Variants in PBX1 observed in about 807,000 individuals in gnomAD.
PBX1 encodes the protein PBX homeobox 1.
Under a neutral mutation model 53.4 loss-of-function variants are expected in PBX1, and 6 were observed. The ratio of observed to expected loss-of-function variants is 0.11; its 90% confidence interval spans 0.06 to 0.22. PBX1 has a LOEUF of 0.22. Among genes scored for constraint, PBX1 ranks in the 10% least tolerant of loss-of-function variants. The pLI is 1.00. For synonymous variants in PBX1, 204 were observed against 212.3 expected (o/e 0.96, Z 0.34); for missense variants, 251 against 551.4 (o/e 0.46, Z 5.46).
At chr1:164,866,962 A>G (rs924799286) in intron 2 of PBX1, among the ~76,000 whole-genome samples, 2 of 151,946 alleles carry the variant, frequency 1.3e-5, no homozygotes, top group Admixed American at 6.6e-5. Context: ...AGCAAGAGAA[A>G]CTCTTTCATT....
intron 2 of PBX1, among the ~76,000 whole-genome samples, chr1:164,675,646 C>T (rs1661389268): frequency 6.6e-6 from 1 of 152,110 alleles, no homozygotes; most frequent in Non-Finnish European, 1.5e-5. Context: ...CACTTTACTG[C>T]CTTTATGGCT....
At chr1:164,614,232 G>C (rs931110211) in intron 2 of PBX1, among the ~76,000 whole-genome samples, 1 of 152,146 alleles carries the variant, frequency 6.6e-6, no homozygotes, top group African/African-American at 2.4e-5. Flanking sequence ...GAGACCATTT[G>C]GTTCAGCCTC....
intron 2 of PBX1, chr1:164,631,139 T>G (rs1278600789): frequency 6.6e-6 from 1 of 152,248 alleles, no homozygotes; most frequent in African/African-American, 2.4e-5. Flanking sequence ...AATTGTTATC[T>G]CACTATTACT....
chr1:164,862,380 T>C (rs951608938), intron 2 of PBX1, among the ~76,000 whole-genome samples: 6 of 152,286 alleles, frequency 3.9e-5, no homozygotes, highest in South Asian at 2.1e-4. Flanking sequence ...GCACCCTATT[T>C]ATCCCTCTCT....
intron 2 of PBX1, among the ~76,000 whole-genome samples, chr1:164,610,912 C>T (rs1656880282): frequency 6.6e-6 from 1 of 152,232 alleles, no homozygotes; most frequent in Admixed American, 6.5e-5. Context: ...GTGAGGCTGG[C>T]TTGCATTTGT....
intron 2 of PBX1, among the ~76,000 whole-genome samples, chr1:164,861,510 G>A (rs116618175): frequency 1.0e-3 from 156 of 152,044 alleles, no homozygotes; most frequent in African/African-American, 3.2e-3. Flanking sequence ...CCTCCCCACC[G>A]CTCCACCGTG....
intron 2 of PBX1, among the ~76,000 whole-genome samples, chr1:164,704,589 T>C (rs993221477): frequency 1.3e-5 from 2 of 152,114 alleles, no homozygotes; most frequent in African/African-American, 4.8e-5. Flanking sequence ...TCAAAAATAA[T>C]ATTATTATAT....
chr1:164,690,565 G>T (rs1043749981), intron 2 of PBX1, among the ~76,000 whole-genome samples: 35 of 151,044 alleles, frequency 2.3e-4, no homozygotes, highest in African/African-American at 8.5e-4. Context: ...TTAGAAGTTT[G>T]AGACCAGCCT....
intron 2 of PBX1, among the ~76,000 whole-genome samples, chr1:164,667,356 TATAATC>T (rs1417035693): frequency 3.3e-5 from 5 of 151,000 alleles, no homozygotes; most frequent in Non-Finnish European, 1.5e-5. Flanking sequence ...AAATATATAA[TATAATC>T]TATATAATAT....
chr1:164,747,344 CACAT>C (rs1311171533), intron 2 of PBX1, among the ~76,000 whole-genome samples: 1 of 151,960 alleles, frequency 6.6e-6, no homozygotes, highest in Non-Finnish European at 1.5e-5. Flanking sequence ...TACACACACA[CACAT>C]ATGTATGTAT....
intron 2 of PBX1, among the ~76,000 whole-genome samples, chr1:164,692,514 C>T (rs1052251137): frequency 1.3e-5 from 2 of 152,086 alleles, no homozygotes; most frequent in African/African-American, 4.8e-5. Context: ...CACTCCCTCC[C>T]CTCCTGCTTT....
intron 2 of PBX1, among the ~76,000 whole-genome samples, chr1:164,873,364 C>T (rs574427634): frequency 2.6e-5 from 4 of 152,304 alleles, no homozygotes; most frequent in African/African-American, 9.6e-5. Context: ...ACTGTTTGTT[C>T]ACTGTTTTGA....
chr1:164,727,082 C>T (rs1664737377), intron 2 of PBX1, among the ~76,000 whole-genome samples: 4 of 151,998 alleles, frequency 2.6e-5, no homozygotes, highest in South Asian at 4.2e-4. Flanking sequence ...CAACACCAAG[C>T]TTTGTCTTTT....
At chr1:164,817,996 C>T (rs1669961767) in intron 6 of PBX1, 1 of 152,142 alleles carries the variant, frequency 6.6e-6, no homozygotes, top group Non-Finnish European at 1.5e-5. Flanking sequence ...AAACTGAACA[C>T]TCTGGGGAGT....
rs527632552 is a variant in PBX1 at position 164,685,677 on chromosome 1, C to A, written c.266-106817C>A. Among the ~76,000 whole-genome samples, 33 of 152,362 alleles carry A rather than the reference C, an allele frequency of 2.2e-4. No individual in the cohort carries two copies. The South Asian group carries it at 6.0e-3, about 28-fold the overall frequency. ...TTTATACACATTTTTACAATTATTA[C>A]AGCAGTTCTCAATTATTGAAACAGA... On this transcript the variant is annotated intron_variant, in intron 2 of 8. Coordinates refer to ENST00000420696, the MANE Select transcript of PBX1 (RefSeq NM_002585.4).
intron 2 of PBX1, among the ~76,000 whole-genome samples, chr1:164,696,786 C>A (rs777636232): frequency 6.6e-6 from 1 of 152,128 alleles, no homozygotes. Flanking sequence ...CATAGGATAG[C>A]GCTGTATCTG....
chr1:164,589,164 G>A (rs962956828), intron 2 of PBX1, among the ~76,000 whole-genome samples: 1 of 152,060 alleles, frequency 6.6e-6, no homozygotes, highest in Admixed American at 6.6e-5. Flanking sequence ...GGGGGAGGGA[G>A]GGGAGAGGAG....
At chr1:164,853,793 G>T (rs1234494943), downstream of PBX1, among the ~76,000 whole-genome samples, 8 of 152,078 alleles carry the variant, frequency 5.3e-5, 1 homozygote, top group Non-Finnish European at 1.0e-4. Flanking sequence ...ATCTTAAAGA[G>T]TATGGTAAAG....
intron 2 of PBX1, among the ~76,000 whole-genome samples, chr1:164,719,423 T>A (rs1315648388): frequency 2.6e-5 from 4 of 152,246 alleles, no homozygotes; most frequent in Non-Finnish European, 5.9e-5. Context: ...GTAGCCATTT[T>A]TACTTGTCCT....
Sources: gnomAD v4.1 joint callset for allele counts (sites outside exome capture counted in the v4.1 genomes callset) on GRCh38, gnomAD v4.1.1 for gene constraint, MANE v1.5 for transcripts, NCBI Gene and HGNC (gene_info 2026-07-23, HGNC 2026-07-21) for gene names.